Variants in NAGA observed in about 807,000 individuals in gnomAD.
The protein encoded by NAGA is alpha-N-acetylgalactosaminidase, also known as Acetylgalactosaminidase, alpha-N- (alpha-galactosidase B).
NAGA carries 42 observed loss-of-function variants against 45.6 expected under a neutral mutation model. The observed-to-expected ratio is 0.92, with a 90% CI of 0.72 to 1.19. NAGA has a LOEUF of 1.19. NAGA is among the 50% of genes most tolerant of loss of function. NAGA has a pLI of 0.00. For synonymous variants in NAGA, 176 were observed against 203.1 expected (o/e 0.87, Z 1.13); for missense variants, 493 against 544.8 (o/e 0.90, Z 0.95).
rs1926291102 is a variant in NAGA at position 42,060,355 on chromosome 22, G to A, written c.1160C>T (p.Thr387Ile). 6.2e-7 allele frequency: 1 copy of A among 1,613,790 alleles called. No individual in the cohort carries two copies. Among genetic ancestry groups the A allele is most frequent in the Non-Finnish European group, 8.5e-7 (1 of 1,180,004 alleles). Residue 387 changes from threonine to isoleucine, a missense_variant, in exon 9 of 9, where the codon ACA becomes ATA. By Grantham distance (89) the Thr-to-Ile change is moderately conservative. Transcript: ENST00000396398. ...TACCCCTGAAGGGTTGATGATCACT[G>A]TGAAGTTGGTTTCATCTCGGAGGCC... ...ISGLRDETNF[T>I]VIINPSGVVM...
chr22:42,070,089 G>A (rs1926966092), intron 1 of NAGA, among the ~76,000 whole-genome samples, 193 bp downstream of exon 1: 1 of 152,254 alleles, frequency 6.6e-6, no homozygotes, highest in South Asian at 2.1e-4. Flanking sequence ...GGGAGAGGAA[G>A]TGAGAAAGGA....
rs144669656 is a variant in NAGA at position 42,062,965 on chromosome 22, C to A, written c.819G>T (p.Trp273Cys). The change falls in exon 7 of 9, where the codon TGG becomes TGT. Residue 273 changes from tryptophan to cysteine, a missense_variant. Transcript: ENST00000396398. ...LEQSRAQMAL[W>C]TVLAAPLLMS... ...TCAAGAGGGGGGCTGCCAGCACCGT[C>A]CACAGGGCCATCTGGGCCCGGGATT... 2.4e-5 allele frequency: 38 copies of A among 1,614,068 alleles called. No homozygotes were observed. The African/African-American group carries it at 4.5e-4, about 19-fold the overall frequency.
intron 6 of NAGA, 90 bp downstream of exon 6, chr22:42,065,648 G>A: frequency 4.5e-6 from 7 of 1,556,516 alleles, no homozygotes; most frequent in Non-Finnish European, 6.2e-6. Flanking sequence ...ACCCGGCAGT[G>A]AGCCTCCAAG....
chr22:42,067,346 A>C, intron 3 of NAGA, 56 bp from the exon 4 acceptor site: 1 of 1,601,976 alleles, frequency 6.2e-7, no homozygotes, highest in South Asian at 1.1e-5. Flanking sequence ...GAGCCTCCTC[A>C]AGGCATATCT....
upstream of NAGA, chr22:42,070,825 T>C (rs1199897084): frequency 5.0e-6 from 1 of 198,098 alleles, no homozygotes; most frequent in Non-Finnish European, 1.1e-5. Flanking sequence ...GTCCGAAGCG[T>C]TCCAGTGAGG....
rs771012863 is a variant in NAGA at position 42,067,184 on chromosome 22, G to T, written c.431C>A (p.Thr144Asn). The part of the protein sequence containing the change: ...TLDKVVQDAQ[T>N]FAEWKVDMLK... ...CATGTCTACCTTCCACTCGGCGAAG[G>T]TCTGAGCATCCTGGACCACCTTGTC... is the stretch of plus-strand genomic sequence containing the variant. Residue 144 changes from threonine to asparagine, a missense_variant, in exon 4 of 9, where the codon ACC becomes AAC. Transcript: ENST00000396398. 5.0e-6 allele frequency: 8 copies of T among 1,614,166 alleles called. No homozygotes were observed. The highest frequency in any genetic ancestry group is 5.1e-6 in the Non-Finnish European group (6 of 1,180,018).
In NAGA at chr22:42,067,810, C is replaced by T. The variant is rs133369; in HGVS notation, c.279G>A (p.Pro93=). 1,082,316 of 1,611,948 alleles carry T rather than the reference C, an allele frequency of 0.67. 365,460 individuals carry two copies. Among genetic ancestry groups the T allele is most frequent in the East Asian group, 0.85 (38,037 of 44,858 alleles). The change falls in exon 3 of 9, where the codon CCG becomes CCA. Residue 93 remains proline (P), a synonymous_variant. Transcript: ENST00000396398. Reference sequence around the variant, plus strand: ...TGCCATGAGGGAAGCGCTTGGGATCCGGCATCAGGCGGCCACTGGCATCGC... The same window carrying T: ...TGCCATGAGGGAAGCGCTTGGGATCTGGCATCAGGCGGCCACTGGCATCGC... The part of the protein sequence containing the change: ...GGRDASGRLM[P]DPKRFPHGIP...
chr22:42,067,981 G>A (rs755286495), intron 2 of NAGA, 45 bp from the exon 3 acceptor site: 6 of 1,572,862 alleles, frequency 3.8e-6, no homozygotes, highest in Non-Finnish European at 5.2e-6. Flanking sequence ...ACCCAGCCCG[G>A]CCCTCACCCA....
At chr22:42,061,174 G>T in intron 7 of NAGA, 107 bp from the exon 8 acceptor site, 2 of 1,407,810 alleles carry the variant, frequency 1.4e-6, no homozygotes, top group Non-Finnish European at 2.0e-6. Flanking sequence ...ACAGCTCCAT[G>T]TCACACAGGT....
chr22:42,070,236 A>G, intron 1 of NAGA, 46 bp downstream of exon 1: 1 of 1,611,406 alleles, frequency 6.2e-7, no homozygotes, highest in Non-Finnish European at 8.5e-7. Context: ...CACTCCTTGT[A>G]GCACTCACCC....
chr22:42,063,513 C>G (rs1004765627), intron 6 of NAGA, among the ~76,000 whole-genome samples: 1 of 152,214 alleles, frequency 6.6e-6, no homozygotes, highest in African/African-American at 2.4e-5. Context: ...ATAACATCAA[C>G]CCCTGACCTA....
chr22:42,066,835 A>C (rs1378303119), intron 4 of NAGA, 31 bp from the exon 5 acceptor site: 1 of 1,579,320 alleles, frequency 6.3e-7, no homozygotes, highest in East Asian at 2.3e-5. Context: ...TTCAGTCCTG[A>C]GGAAGTGCAG....
intron 7 of NAGA, among the ~76,000 whole-genome samples, chr22:42,061,710 C>T (rs889155665): frequency 2.6e-5 from 4 of 151,918 alleles, no homozygotes; most frequent in East Asian, 1.9e-4. Flanking sequence ...TTTGTGAGGC[C>T]GAGGCCAGTG....
chr22:42,060,036 G>A lies in NAGA; in HGVS notation c.*243C>T, dbSNP rs989968237. 9.4e-6 allele frequency: 5 copies of A among 532,096 alleles called. No individual in the cohort carries two copies. The African/African-American group carries it at 9.5e-5, about 10-fold the overall frequency. 33.0% of individuals were successfully genotyped at this position (532,096 alleles called of 1,614,324 possible). ...CGAGTTGCTCAGCAACGTCTGTGGGGCTGCGCACATGGAAGTAGAGGCCAG... is the reference window on the plus strand; with the variant it reads ...CGAGTTGCTCAGCAACGTCTGTGGGACTGCGCACATGGAAGTAGAGGCCAG... On this transcript the variant is annotated 3_prime_UTR_variant, in exon 9 of 9. Coordinates refer to ENST00000396398, the MANE Select transcript of NAGA (RefSeq NM_000262.3).
Position 42,062,940 on chromosome 22 carries a change from T to C in NAGA, c.844A>G (p.Met282Val), listed in dbSNP as rs775809550. The C allele has an allele frequency of 6.2e-7, 1 of 1,614,160 alleles. No homozygotes were observed. Among genetic ancestry groups the C allele is most frequent in the Admixed American group, 1.7e-5 (1 of 60,022 alleles). The change falls in exon 7 of 9, where the codon ATG (methionine) becomes GTG (valine). Residue 282 changes from methionine (M) to valine (V), a missense_variant. Transcript: ENST00000396398. ...LWTVLAAPLL[M>V]STDLRTISAQ... Reference sequence around the variant, plus strand: ...GAGATGGTACGCAGGTCTGTGGACATCAAGAGGGGGGCTGCCAGCACCGTC... The same window carrying C: ...GAGATGGTACGCAGGTCTGTGGACACCAAGAGGGGGGCTGCCAGCACCGTC...
chr22:42,065,172 T>C (rs1926650690), intron 6 of NAGA, among the ~76,000 whole-genome samples: 2 of 152,206 alleles, frequency 1.3e-5, no homozygotes, highest in Non-Finnish European at 2.9e-5. Flanking sequence ...GCTTAGCACT[T>C]GTAATTCTTA....
intron 7 of NAGA, among the ~76,000 whole-genome samples, chr22:42,062,573 T>C (rs549461887): frequency 1.3e-3 from 193 of 152,316 alleles, no homozygotes; most frequent in African/African-American, 4.5e-3. Flanking sequence ...TGTGCACTTA[T>C]GTGGCTGACA....
At chr22:42,066,009 G>C in intron 5 of NAGA, 110 bp from the exon 6 acceptor site, 1 of 1,407,574 alleles carries the variant, frequency 7.1e-7, no homozygotes, top group African/African-American at 1.4e-5. Flanking sequence ...GTGGGGAAGA[G>C]GGAAGAGAAC....
intron 6 of NAGA, among the ~76,000 whole-genome samples, chr22:42,065,008 C>T (rs531479326): frequency 6.6e-6 from 1 of 152,302 alleles, no homozygotes; most frequent in African/African-American, 2.4e-5. Flanking sequence ...TTTTAACCCT[C>T]AACCCTATAA....
Sources: gnomAD v4.1 joint callset for allele counts (sites outside exome capture counted in the v4.1 genomes callset) on GRCh38, gnomAD v4.1.1 for gene constraint, MANE v1.5 for transcripts, NCBI Gene and HGNC (gene_info 2026-07-23, HGNC 2026-07-21) for gene names.